SAMTOR: variants seen among roughly 807,000 people sequenced by gnomAD.
The protein encoded by SAMTOR is S-adenosylmethionine sensor upstream of mTORC1.
chr7:112,819,825 A>G, the SAMTOR span: 3 of 152,476 alleles, frequency 2.0e-5, no homozygotes, highest in African/African-American at 7.2e-5. Flanking sequence ...CTTTCAAAGC[A>G]TTTTCATTTG....
the SAMTOR span, among the ~76,000 whole-genome samples, chr7:112,857,581 T>C: frequency 1.3e-5 from 2 of 152,212 alleles, no homozygotes; most frequent in East Asian, 1.9e-4. Context: ...AATTTACATA[T>C]ACACAATCAT....
At chr7:112,900,812 A>T in the SAMTOR span, among the ~76,000 whole-genome samples, 2 of 152,240 alleles carry the variant, frequency 1.3e-5, no homozygotes, top group Non-Finnish European at 2.9e-5. Flanking sequence ...TCAACAAGTC[A>T]TGCTAGAACT....
At chr7:112,921,691 C>A in the SAMTOR span, among the ~76,000 whole-genome samples, 1 of 141,530 alleles carries the variant, frequency 7.1e-6, no homozygotes, top group South Asian at 2.4e-4. Context: ...TTTTCGCAAC[C>A]TACTCATCTG....
the SAMTOR span, among the ~76,000 whole-genome samples, chr7:112,860,912 CA>C: frequency 0.032 from 1,476 of 45,950 alleles, 6 homozygotes; most frequent in Admixed American, 0.053. Flanking sequence ...GACTCTGTCT[CA>C]AAAAAAAAAA....
the SAMTOR span, among the ~76,000 whole-genome samples, chr7:112,875,247 T>A: frequency 6.6e-6 from 1 of 152,166 alleles, no homozygotes; most frequent in African/African-American, 2.4e-5. Context: ...TCCCTTGATC[T>A]TTAGTTGTGG....
the SAMTOR span, among the ~76,000 whole-genome samples, chr7:112,882,594 C>A: frequency 1.3e-5 from 2 of 151,858 alleles, no homozygotes; most frequent in Admixed American, 1.3e-4. Flanking sequence ...GAGGCTGAGG[C>A]AGGAGAATAG....
At chr7:112,857,124 G>A in the SAMTOR span, among the ~76,000 whole-genome samples, 3 of 123,624 alleles carry the variant, frequency 2.4e-5, no homozygotes, top group East Asian at 2.3e-4. Context: ...CTCGCCTGTC[G>A]CCCAGGCCGG....
the SAMTOR span, among the ~76,000 whole-genome samples, chr7:112,858,813 G>T: frequency 6.6e-6 from 1 of 152,076 alleles, no homozygotes; most frequent in Non-Finnish European, 1.5e-5. Context: ...ATTTATCTGT[G>T]ATTTTAATTT....
chr7:112,836,872 CAT>C, the SAMTOR span, among the ~76,000 whole-genome samples: 3 of 151,968 alleles, frequency 2.0e-5, no homozygotes, highest in Non-Finnish European at 4.4e-5. Context: ...AGTTGGGTAA[CAT>C]GTGATGCCTC....
At chr7:112,833,773 T>C in the SAMTOR span, among the ~76,000 whole-genome samples, 56 of 152,316 alleles carry the variant, frequency 3.7e-4, no homozygotes, top group African/African-American at 1.1e-3. Flanking sequence ...AACTGATCAA[T>C]TGTCAGCAAT....
chr7:112,832,188 A>AT, the SAMTOR span, among the ~76,000 whole-genome samples: 1 of 151,048 alleles, frequency 6.6e-6, no homozygotes, highest in Non-Finnish European at 1.5e-5. Context: ...CATTTTTTTT[A>AT]TTTTTTAGTA....
At chr7:112,844,669 G>T in the SAMTOR span, among the ~76,000 whole-genome samples, 1 of 152,060 alleles carries the variant, frequency 6.6e-6, no homozygotes, top group Non-Finnish European at 1.5e-5. Context: ...TGGCCATATT[G>T]CCCAAAGCAA....
chr7:112,851,432 A>G, the SAMTOR span, among the ~76,000 whole-genome samples: 2 of 152,230 alleles, frequency 1.3e-5, no homozygotes, highest in African/African-American at 2.4e-5. Context: ...GTCAACAAAA[A>G]TATACAATGG....
the SAMTOR span, among the ~76,000 whole-genome samples, chr7:112,853,712 A>T: frequency 6.6e-6 from 1 of 152,150 alleles, no homozygotes; most frequent in Admixed American, 6.5e-5. Flanking sequence ...GGGCCAGCAA[A>T]GGCAGATATG....
the SAMTOR span, among the ~76,000 whole-genome samples, chr7:112,845,592 T>C: frequency 3.3e-5 from 5 of 152,262 alleles, no homozygotes; most frequent in South Asian, 8.3e-4. Flanking sequence ...TAACAGATGC[T>C]GGTGAGTTTG....
At chr7:112,866,613 G>C in the SAMTOR span, among the ~76,000 whole-genome samples, 48 of 152,298 alleles carry the variant, frequency 3.2e-4, no homozygotes, top group East Asian at 5.6e-3. Flanking sequence ...AAGAAGTCAG[G>C]AAGGGAGTTG....
At chr7:112,878,838 T>C in the SAMTOR span, among the ~76,000 whole-genome samples, 1 of 152,122 alleles carries the variant, frequency 6.6e-6, no homozygotes, top group South Asian at 2.1e-4. Context: ...TGGGTTTGTA[T>C]TTCAAAGAAA....
chr7:112,873,485 A>T, the SAMTOR span, among the ~76,000 whole-genome samples: 53 of 152,298 alleles, frequency 3.5e-4, 1 homozygote, highest in South Asian at 0.011. Context: ...TATTTAATAA[A>T]TGGTGCTGGG....
At chr7:112,919,721 AAG>A in the SAMTOR span, among the ~76,000 whole-genome samples, 6 of 151,356 alleles carry the variant, frequency 4.0e-5, no homozygotes, top group South Asian at 2.1e-4. Context: ...TAAAGAAGAA[AAG>A]AGAGAAGAAT....
Sources: gnomAD v4.1 joint callset for allele counts (sites outside exome capture counted in the v4.1 genomes callset) on GRCh38, gnomAD v4.1.1 for gene constraint, MANE v1.5 for transcripts, NCBI Gene and HGNC (gene_info 2026-07-23, HGNC 2026-07-21) for gene names.